MRPS28: variants seen among roughly 807,000 people sequenced by gnomAD.
MRPS28 encodes mitochondrial ribosomal protein S28, also known as small ribosomal subunit protein bS1m.
In MRPS28, 7 loss-of-function variants were observed where a neutral mutation model predicts 10.8. The ratio of observed to expected loss-of-function variants is 0.65; its 90% confidence interval spans 0.37 to 1.22. The LOEUF (loss-of-function observed/expected upper bound fraction) is 1.22. Among genes scored for constraint, MRPS28 ranks in the 50% most tolerant of loss-of-function variants. The probability of loss-of-function intolerance (pLI) is 0.02; values close to 1 mark genes in which losing one functional copy is unlikely to be tolerated. For missense variants in MRPS28, 265 were observed against 232.9 expected, an observed-to-expected ratio of 1.14 and a Z score of -0.90; for synonymous variants, 121 against 93.3, an observed-to-expected ratio of 1.30 and a Z score of -1.71.
intron 1 of MRPS28, among the ~76,000 whole-genome samples, chr8:80,014,170 G>C (rs1341420773): frequency 6.6e-6 from 1 of 152,148 alleles, no homozygotes; most frequent in African/African-American, 2.4e-5. Flanking sequence ...GCAGTGAGAA[G>C]ACAAGCTGAA....
intron 2 of MRPS28, among the ~76,000 whole-genome samples, chr8:79,962,390 G>A (rs939343224): frequency 3.9e-5 from 6 of 152,112 alleles, no homozygotes; most frequent in Non-Finnish European, 8.8e-5. Context: ...GAATAATCCA[G>A]GCCAGTGGGC....
intron 1 of MRPS28, among the ~76,000 whole-genome samples, chr8:80,020,221 G>A (rs960917956): frequency 1.3e-5 from 2 of 152,160 alleles, no homozygotes; most frequent in Non-Finnish European, 2.9e-5. Context: ...CAGATGAAGC[G>A]TCCAGGTAGC....
intron 2 of MRPS28, among the ~76,000 whole-genome samples, chr8:79,987,895 C>G (rs1055002923): frequency 6.6e-6 from 1 of 152,108 alleles, no homozygotes; most frequent in Non-Finnish European, 1.5e-5. Context: ...CTAGAAGTAC[C>G]ATTTGACCCA....
At position 79,944,701 on chromosome 8, in the gene MRPS28, C is replaced by CTT. The variant is rs57397948; in HGVS notation, c.396-25555_396-25554dup. Among the ~76,000 whole-genome samples the CTT allele has an allele frequency of 1.4e-4, 19 of 137,618 alleles. 4 individuals are homozygous for CTT. Among genetic ancestry groups the CTT allele is most frequent in the South Asian group, 2.2e-4 (1 of 4,502 alleles). The allele number at this position is 137,618 out of a possible 152,430, so 90.3% of individuals were successfully genotyped here. ...GCCATAATTTTTCTTTTTCTTTTTT[C>CTT]TTTTTTTTTTTTGAGACAAGGTCTC... On this transcript the variant is annotated intron_variant, in intron 2 of 2. Coordinates refer to ENST00000276585, the MANE Select transcript of MRPS28 (RefSeq NM_014018.3).
intron 2 of MRPS28, among the ~76,000 whole-genome samples, chr8:79,949,835 T>C (rs1202591953): frequency 6.6e-6 from 1 of 152,208 alleles, no homozygotes; most frequent in Non-Finnish European, 1.5e-5. Context: ...GATATGATTA[T>C]AAAATTTGAG....
In MRPS28 at chr8:79,992,563, C is replaced by T. The variant is rs146483690; in HGVS notation, c.395+10436G>A. 3.5e-3 allele frequency among the ~76,000 whole-genome samples: 539 copies of T among 152,304 alleles called. 1 individual carries two copies. Among genetic ancestry groups the T allele is most frequent in the Non-Finnish European group, 6.6e-3 (446 of 68,028 alleles). On this transcript the variant is annotated intron_variant, in intron 2 of 2. Transcript: ENST00000276585. Reference sequence around the variant, plus strand: ...TCATACATTCCTCTGTGTTACTGTGCTATACGTTTATATCTTTCCTCCTAA... The same window carrying T: ...TCATACATTCCTCTGTGTTACTGTGTTATACGTTTATATCTTTCCTCCTAA...
chr8:80,026,433 A>G (rs1337743742), intron 1 of MRPS28, among the ~76,000 whole-genome samples: 1 of 152,222 alleles, frequency 6.6e-6, no homozygotes, highest in Non-Finnish European at 1.5e-5. Flanking sequence ...ATTCTTGTAC[A>G]ATTGTTTGTG....
At chr8:79,929,881 CT>C (rs1312244727) in intron 2 of MRPS28, among the ~76,000 whole-genome samples, 2 of 152,040 alleles carry the variant, frequency 1.3e-5, no homozygotes, top group Non-Finnish European at 2.9e-5. Context: ...CCCAGAAAGC[CT>C]AATAGTTCTC....
chr8:79,931,561 C>T (rs1200908222), intron 2 of MRPS28, among the ~76,000 whole-genome samples: 2 of 152,098 alleles, frequency 1.3e-5, no homozygotes, highest in African/African-American at 2.4e-5. Flanking sequence ...CAATCATTAC[C>T]GTAAAAGAGG....
intron 1 of MRPS28, among the ~76,000 whole-genome samples, chr8:80,018,439 A>G (rs561362692): frequency 4.2e-4 from 64 of 152,324 alleles, no homozygotes; most frequent in Non-Finnish European, 7.2e-4. Flanking sequence ...ATGAGATATC[A>G]TCTCACCCCA....
intron 2 of MRPS28, among the ~76,000 whole-genome samples, chr8:80,002,486 A>G (rs1808686947): frequency 6.6e-6 from 1 of 152,196 alleles, no homozygotes; most frequent in African/African-American, 2.4e-5. Context: ...TTGACTCTTG[A>G]TATTCCACTC....
chr8:80,023,458 T>A (rs73691132), intron 1 of MRPS28, among the ~76,000 whole-genome samples: 4 of 152,240 alleles, frequency 2.6e-5, no homozygotes, highest in Middle Eastern at 3.4e-3. Context: ...TCTGAAAGGA[T>A]TGAACATCTG....
chr8:80,015,451 CA>C (rs1479670812), intron 1 of MRPS28, among the ~76,000 whole-genome samples: 1 of 152,106 alleles, frequency 6.6e-6, no homozygotes, highest in African/African-American at 2.4e-5. Context: ...TCTGTCCTAC[CA>C]AAAGAGAGGG....
chr8:79,934,929 T>C (rs183390882), intron 2 of MRPS28, among the ~76,000 whole-genome samples: 1 of 152,382 alleles, frequency 6.6e-6, no homozygotes, highest in East Asian at 1.9e-4. Context: ...ACAAACTCTT[T>C]TGTTGAATTA....
chr8:79,973,391 G>C (rs377034491), intron 2 of MRPS28, among the ~76,000 whole-genome samples: 4 of 152,256 alleles, frequency 2.6e-5, no homozygotes, highest in East Asian at 1.9e-4. Context: ...CCTCAGCCAC[G>C]AGCAGTGGTG....
At chr8:79,985,900 G>C (rs2130099717) in intron 2 of MRPS28, among the ~76,000 whole-genome samples, 1 of 152,226 alleles carries the variant, frequency 6.6e-6, no homozygotes, top group South Asian at 2.1e-4. Context: ...AATAGAAAAA[G>C]AGGGAATCCT....
At chr8:80,022,005 T>C (rs1177977927) in intron 1 of MRPS28, among the ~76,000 whole-genome samples, 9 of 152,226 alleles carry the variant, frequency 5.9e-5, no homozygotes, top group Non-Finnish European at 1.2e-4. Flanking sequence ...GTAAAGGTTC[T>C]GTACTGGCCA....
chr8:79,933,297 T>A (rs1318402391), intron 2 of MRPS28, among the ~76,000 whole-genome samples: 2 of 152,190 alleles, frequency 1.3e-5, no homozygotes, highest in Non-Finnish European at 2.9e-5. Context: ...CACGTGGCCC[T>A]CTCTCACTGC....
chr8:79,948,875 TAA>T (rs1044846442), intron 2 of MRPS28, among the ~76,000 whole-genome samples: 1 of 152,222 alleles, frequency 6.6e-6, no homozygotes, highest in Non-Finnish European at 1.5e-5. Context: ...ACCATTTTGT[TAA>T]AGAGTTCTGC....
Sources: allele counts gnomAD v4.1 joint callset (sites outside exome capture counted in the v4.1 genomes callset), GRCh38; gene constraint gnomAD v4.1.1; transcripts MANE v1.5; gene names NCBI Gene and HGNC (gene_info 2026-07-23, HGNC 2026-07-21).